Variants in PDE10A observed in about 807,000 individuals in gnomAD.
PDE10A encodes phosphodiesterase 10A.
A neutral mutation model predicts 97.7 loss-of-function variants in PDE10A; 39 were observed. The observed-to-expected ratio is 0.40, with a 90% CI of 0.31 to 0.52. The LOEUF (loss-of-function observed/expected upper bound fraction) is 0.52, where lower values mean the gene tolerates loss of function less well. Ranked by LOEUF, PDE10A falls within the 20% of genes least tolerant of loss-of-function variation. The pLI, the probability that PDE10A is intolerant of heterozygous loss-of-function variation, is 0.56. For missense variants in PDE10A, 731 were observed against 1,047.8 expected (o/e 0.70, Z 4.17); for synonymous variants, 371 against 376.8 (o/e 0.98, Z 0.18).
chr6:165,648,264 G>A (rs1416847747), intron 1 of PDE10A, among the ~76,000 whole-genome samples: 8 of 152,002 alleles, frequency 5.3e-5, no homozygotes, highest in African/African-American at 1.9e-4. Context: ...CACCCACCTC[G>A]GCCTCCCAAA....
At chr6:165,653,587 C>T (rs1023580690) in intron 1 of PDE10A, among the ~76,000 whole-genome samples, 2 of 152,170 alleles carry the variant, frequency 1.3e-5, no homozygotes, top group African/African-American at 4.8e-5. Flanking sequence ...GAGGGACCTC[C>T]GTCTCCATCC....
intron 2 of PDE10A, among the ~76,000 whole-genome samples, chr6:165,485,467 C>CA (rs534131585): frequency 0.063 from 3,168 of 49,962 alleles, 215 homozygotes; most frequent in African/African-American, 0.19. Context: ...GACTCTGTCT[C>CA]AAAAAAAAAA....
intron 1 of PDE10A, among the ~76,000 whole-genome samples, chr6:165,784,540 T>A (rs767160888): frequency 2.8e-4 from 43 of 152,212 alleles, no homozygotes; most frequent in Non-Finnish European, 5.1e-4. Context: ...ATGTAAAGAA[T>A]AGCAAGTAAT....
intron 1 of PDE10A, among the ~76,000 whole-genome samples, chr6:165,765,940 C>T (rs1777839635): frequency 6.6e-6 from 1 of 152,216 alleles, no homozygotes; most frequent in South Asian, 2.1e-4. Context: ...GAAAACTTTC[C>T]ATTTCTAGCT....
chr6:165,765,567 T>C (rs971229246), intron 1 of PDE10A, among the ~76,000 whole-genome samples: 3 of 152,208 alleles, frequency 2.0e-5, no homozygotes, highest in Non-Finnish European at 2.9e-5. Context: ...CAGGGCCGGC[T>C]GGCTGCTCCG....
chr6:165,978,976 T>C (rs1448197202), intron 1 of PDE10A, among the ~76,000 whole-genome samples: 5 of 152,086 alleles, frequency 3.3e-5, no homozygotes, highest in African/African-American at 1.2e-4. Flanking sequence ...AAAAAGAAAA[T>C]GTAACAACAT....
chr6:165,732,144 T>C (rs1792453736), intron 1 of PDE10A, among the ~76,000 whole-genome samples: 1 of 152,246 alleles, frequency 6.6e-6, no homozygotes, highest in South Asian at 2.1e-4. Flanking sequence ...CTGAAGTGAA[T>C]GCATTTAAAG....
At chr6:165,897,025 C>A (rs1195481724) in intron 1 of PDE10A, among the ~76,000 whole-genome samples, 1 of 152,132 alleles carries the variant, frequency 6.6e-6, no homozygotes, top group East Asian at 1.9e-4. Context: ...GAGGAGACAG[C>A]TAACAACAGA....
chr6:165,433,485 C>T (rs1291906660), intron 6 of PDE10A, among the ~76,000 whole-genome samples: 2 of 152,108 alleles, frequency 1.3e-5, no homozygotes, highest in Admixed American at 6.5e-5. Flanking sequence ...AGGTACAATG[C>T]CGCAGGGAAA....
At chr6:165,744,704 C>G (rs938418593) in intron 1 of PDE10A, among the ~76,000 whole-genome samples, 3 of 152,092 alleles carry the variant, frequency 2.0e-5, no homozygotes, top group Non-Finnish European at 2.9e-5. Flanking sequence ...ACGTGTTTGA[C>G]TGCAAAGTGC....
intron 1 of PDE10A, among the ~76,000 whole-genome samples, chr6:165,817,377 G>C (rs1779447654): frequency 6.6e-6 from 1 of 152,130 alleles, no homozygotes; most frequent in Admixed American, 6.5e-5. Context: ...GAGGGCCGCA[G>C]GGTCGGGGAG....
chr6:165,359,932 AG>A (rs1783283534), intron 18 of PDE10A, among the ~76,000 whole-genome samples: 1 of 152,132 alleles, frequency 6.6e-6, no homozygotes, highest in Admixed American at 6.6e-5. Context: ...TATTTCTGAC[AG>A]TCCATTATGA....
At chr6:165,926,420 G>T (rs1175792741) in intron 1 of PDE10A, among the ~76,000 whole-genome samples, 1 of 152,148 alleles carries the variant, frequency 6.6e-6, no homozygotes, top group Non-Finnish European at 1.5e-5. Flanking sequence ...CATAGTATTT[G>T]TGTCCATGTC....
intron 1 of PDE10A, among the ~76,000 whole-genome samples, chr6:165,721,738 A>ACTAT (rs1412314206): frequency 6.6e-6 from 1 of 152,228 alleles, no homozygotes; most frequent in African/African-American, 2.4e-5. Flanking sequence ...TTGTAGATTC[A>ACTAT]CTATCTGTGC....
intron 1 of PDE10A, among the ~76,000 whole-genome samples, chr6:165,963,127 A>G (rs543829198): frequency 1.5e-4 from 23 of 152,346 alleles, no homozygotes; most frequent in African/African-American, 5.5e-4. Flanking sequence ...CCTTTGAAAT[A>G]AAAATTTTTC....
At chr6:165,977,576 A>T (rs1490199398) in intron 1 of PDE10A, among the ~76,000 whole-genome samples, 1 of 152,226 alleles carries the variant, frequency 6.6e-6, no homozygotes, top group Non-Finnish European at 1.5e-5. Context: ...TCAAGATTCT[A>T]TATCTGAATT....
At chr6:165,930,370 C>T (rs1783094836) in intron 1 of PDE10A, among the ~76,000 whole-genome samples, 1 of 152,136 alleles carries the variant, frequency 6.6e-6, no homozygotes, top group Admixed American at 6.5e-5. Context: ...TGTGGGTGGC[C>T]ACCCAGCAGG....
chr6:165,506,092 T>A (rs746068448), intron 2 of PDE10A, among the ~76,000 whole-genome samples: 4 of 152,252 alleles, frequency 2.6e-5, no homozygotes, highest in Non-Finnish European at 2.9e-5. Flanking sequence ...TTTTTTCCAT[T>A]CCCATAACAA....
intron 18 of PDE10A, among the ~76,000 whole-genome samples, chr6:165,369,890 C>A (rs1450232275): frequency 6.6e-6 from 1 of 151,830 alleles, no homozygotes; most frequent in African/African-American, 2.4e-5. Flanking sequence ...TCGGCAGAAA[C>A]CCTACAGGCC....
Sources: allele counts gnomAD v4.1 joint callset (sites outside exome capture counted in the v4.1 genomes callset), GRCh38; gene constraint gnomAD v4.1.1; transcripts MANE v1.5; gene names NCBI Gene and HGNC (gene_info 2026-07-23, HGNC 2026-07-21).